Variants in DNHD1 observed in about 807,000 individuals in gnomAD.
The protein encoded by DNHD1 is dynein heavy chain domain 1.
Under a neutral mutation model 458.1 loss-of-function variants are expected in DNHD1, and 383 were observed. The ratio of observed to expected loss-of-function variants is 0.84; its 90% confidence interval spans 0.77 to 0.91. The LOEUF is 0.91. DNHD1 is among the 40% of genes least tolerant of loss of function. The pLI, the probability that DNHD1 is intolerant of heterozygous loss-of-function variation, is 0.00. For missense variants in DNHD1, 5,336 were observed against 5,866.1 expected, an observed-to-expected ratio of 0.91 and a Z score of 2.95; for synonymous variants, 2,203 against 2,376.9, an observed-to-expected ratio of 0.93 and a Z score of 2.13.
intron 24 of DNHD1, among the ~76,000 whole-genome samples, chr11:6,550,865 G>A (rs777546800): frequency 2.0e-5 from 3 of 151,760 alleles, no homozygotes; most frequent in African/African-American, 7.3e-5. Context: ...TTAAGTATAG[G>A]GAAAAAAAGC....
At chr11:6,538,558 A>G (rs1239842947) in intron 15 of DNHD1, 48 bp downstream of exon 15, 2 of 1,551,468 alleles carry the variant, frequency 1.3e-6, no homozygotes, top group Non-Finnish European at 1.7e-6. Context: ...GGAGGACTAC[A>G]GTGGTGGGGG....
intron 41 of DNHD1, 59 bp from the exon 42 acceptor site, chr11:6,570,559 C>CTCGA: frequency 6.6e-7 from 1 of 1,508,412 alleles, no homozygotes; most frequent in Non-Finnish European, 8.9e-7. Flanking sequence ...GGCCTACTCT[C>CTCGA]TCGAGTCTAG....
intron 7 of DNHD1, among the ~76,000 whole-genome samples, chr11:6,516,296 T>TC: frequency 6.8e-6 from 1 of 147,844 alleles, no homozygotes; most frequent in South Asian, 2.1e-4. Flanking sequence ...CTAATCACTT[T>TC]TTTTTTTTTT....
chr11:6,556,266 C>T (rs1176625563), intron 24 of DNHD1, among the ~76,000 whole-genome samples: 2 of 152,160 alleles, frequency 1.3e-5, no homozygotes, highest in African/African-American at 4.8e-5. Flanking sequence ...GAGCCACCAC[C>T]TCCCAGCCTA....
intron 7 of DNHD1, among the ~76,000 whole-genome samples, chr11:6,516,660 C>T (rs1004344423): frequency 6.6e-6 from 1 of 152,200 alleles, no homozygotes; most frequent in Admixed American, 6.5e-5. Flanking sequence ...CTGTCTCTCT[C>T]CCTCCTCCTG....
chr11:6,559,657 C>T (rs1853545295), intron 28 of DNHD1, among the ~76,000 whole-genome samples: 1 of 152,224 alleles, frequency 6.6e-6, no homozygotes, highest in Admixed American at 6.5e-5. Flanking sequence ...TTTTCCATAA[C>T]ACTTTGTCCC....
intron 7 of DNHD1, among the ~76,000 whole-genome samples, chr11:6,517,652 CT>C (rs59300977): frequency 0.038 from 2,206 of 58,786 alleles, 10 homozygotes; most frequent in East Asian, 0.08. Flanking sequence ...TCTAGGACTT[CT>C]TTTTTTTTTT....
rs1853502847 is a variant in DNHD1, at chr11:6,557,905, GCA to G, written c.8612_8613del (p.His2871ArgfsTer35). 1 of 1,551,150 alleles carries G rather than the reference GCA, an allele frequency of 6.4e-7. No individual in the cohort carries two copies. On this transcript the variant is annotated frameshift_variant, in exon 25 of 43. Transcript: ENST00000254579. LOFTEE classifies it high-confidence loss of function. ...TGGCCCGGTGTCATTCCATGGCCCA[GCA>G]CGTGGCCCGCCTGGTCCGGGTGCTG... The part of the protein sequence containing the change: ...HLARCHSMAQ[H>X]VARLVRVLAR...
At chr11:6,536,647 C>G (rs1032152420) in intron 14 of DNHD1, among the ~76,000 whole-genome samples, 1 of 152,096 alleles carries the variant, frequency 6.6e-6, no homozygotes, top group African/African-American at 2.4e-5. Context: ...CTTTTTCCTA[C>G]AACTTTGAAG....
intron 19 of DNHD1, 69 bp from the exon 20 acceptor site, chr11:6,544,505 G>A: frequency 7.6e-7 from 1 of 1,314,614 alleles, no homozygotes; most frequent in Non-Finnish European, 1.1e-6. Flanking sequence ...GTCAGGAGCA[G>A]GGTGGACTCC....
In DNHD1 at chr11:6,527,090, G is replaced by C. The variant is rs115186723; in HGVS notation, c.1838-1432G>C. On this transcript the variant is annotated intron_variant, in intron 10 of 42. Transcript: ENST00000254579. ...TAAAAAATGCTATCCTTGTGTTTTT[G>C]GTTTTATTATCTAATTGTTCTGTCA... Among the ~76,000 whole-genome samples the C allele has an allele frequency of 5.4e-3, 820 of 152,240 alleles. 3 individuals carry two copies. The highest frequency in any genetic ancestry group is 0.018 in the African/African-American group (767 of 41,542).
intron 12 of DNHD1, among the ~76,000 whole-genome samples, chr11:6,529,495 TG>T (rs1169541495): frequency 6.6e-6 from 1 of 152,224 alleles, no homozygotes; most frequent in East Asian, 1.9e-4. Context: ...TAACTGAGCT[TG>T]TCTTACTCTG....
intron 7 of DNHD1, among the ~76,000 whole-genome samples, chr11:6,516,370 T>C (rs1421624666): frequency 6.6e-6 from 1 of 151,052 alleles, no homozygotes; most frequent in Non-Finnish European, 1.5e-5. Flanking sequence ...CTTGGTTGGC[T>C]CACTGCAACC....
chr11:6,502,801 C>G lies in DNHD1; in HGVS notation c.795C>G (p.Ser265Arg). 6.2e-7 allele frequency: 1 copy of G among 1,611,818 alleles called. No individual in the cohort carries two copies. Among genetic ancestry groups the G allele is most frequent in the Non-Finnish European group, 8.5e-7 (1 of 1,179,068 alleles). ...EVPREKAFQK[S>R]STGFSPETSF... Reference sequence around the variant, plus strand: ...CCAGGGAAAAGGCCTTCCAAAAGAGCAGCACCGGCTTTTCACCTGAGACTT... The same window carrying G: ...CCAGGGAAAAGGCCTTCCAAAAGAGGAGCACCGGCTTTTCACCTGAGACTT... The change falls in exon 4 of 43, where the codon AGC becomes AGG. Residue 265 changes from serine (S) to arginine (R), a missense_variant. This residue lies in a region of DNHD1 where 3,932 missense variants were observed against 4,365.6 expected (regional missense o/e 0.90). Transcript: ENST00000254579.
intron 7 of DNHD1, among the ~76,000 whole-genome samples, chr11:6,518,151 C>T (rs1174072575): frequency 2.0e-5 from 3 of 152,164 alleles, no homozygotes; most frequent in South Asian, 2.1e-4. Context: ...CTCAACTTCC[C>T]GGGCTCAGGT....
At position 6,571,410 on chromosome 11, in the gene DNHD1, C is replaced by G; in HGVS notation, c.13898C>G (p.Pro4633Arg). ...AAACGTCTGGAGATGAACAGCAACC[C>G]TCTGCACTTCAGGGTATCTTCGCGC... ...QYKRLEMNSN[P>R]LHFRVENGPN... The change falls in exon 42 of 43, where the codon CCT (proline) becomes CGT (arginine). Residue 4633 changes from proline (P) to arginine (R), a missense_variant. By Grantham distance (103) the Pro-to-Arg change is moderately radical (BLOSUM62 -2). Around this residue, in one of 4 missense-constraint regions of DNHD1, gnomAD observed 698 missense variants for 664.9 expected, o/e 1.05. Transcript: ENST00000254579. The surrounding 1 kb of genome is among the most constrained non-coding windows in gnomAD (Gnocchi z 5.0). 6.3e-7 allele frequency: 1 copy of G among 1,599,716 alleles called. No individual in the cohort carries two copies. Among genetic ancestry groups the G allele is most frequent in the Non-Finnish European group, 8.5e-7 (1 of 1,170,090 alleles).
chr11:6,519,536 A>ACTAGTGGGTGG, intron 7 of DNHD1, 64 bp from the exon 8 acceptor site: 1 of 1,585,176 alleles, frequency 6.3e-7, no homozygotes, highest in Non-Finnish European at 8.6e-7. Flanking sequence ...GTTTGCACAG[A>ACTAGTGGGTGG]CTAGTGGGTG....
chr11:6,544,877 T>A lies in DNHD1; in HGVS notation c.3938T>A (p.Val1313Glu). The A allele has an allele frequency of 6.4e-7, 1 of 1,551,706 alleles. No homozygotes were observed. The highest frequency in any genetic ancestry group is 8.7e-7 in the Non-Finnish European group (1 of 1,146,972). ...VADPMVLSLV[V>E]PSAERSPYFQ... ...GACCCCATGGTTCTGTCACTTGTAG[T>A]GCCCAGTGCCGAGAGGAGCCCTTAC... The change falls in exon 21 of 43, where the codon GTG (valine) becomes GAG (glutamate). Residue 1313 changes from valine (V) to glutamate (E), a missense_variant. Coordinates refer to ENST00000254579, the MANE Select transcript of DNHD1 (RefSeq NM_144666.3).
At chr11:6,506,961 G>C (rs1043330943) in intron 4 of DNHD1, among the ~76,000 whole-genome samples, 1 of 152,158 alleles carries the variant, frequency 6.6e-6, no homozygotes, top group African/African-American at 2.4e-5. Flanking sequence ...TTTGGTGGGG[G>C]TAGATATTGA....
Sources: allele counts gnomAD v4.1 joint callset (sites outside exome capture counted in the v4.1 genomes callset), GRCh38; gene constraint gnomAD v4.1.1; regional missense constraint gnomAD v4.1.1; non-coding constraint Gnocchi (gnomAD v3.1); transcripts MANE v1.5; gene names NCBI Gene and HGNC (gene_info 2026-07-23, HGNC 2026-07-21).